The following MSI2 variants were observed in gnomAD, a reference collection of about 807,000 sequenced individuals.
MSI2 encodes the protein RNA-binding protein Musashi homolog 2.
Under a neutral mutation model 45.6 loss-of-function variants are expected in MSI2, and 17 were observed. The ratio of observed to expected loss-of-function variants is 0.37; its 90% CI spans 0.26 to 0.56. MSI2 has a LOEUF of 0.56. Ranked by LOEUF, MSI2 falls within the 20% of genes least tolerant of loss-of-function variation. The pLI is 0.77. For missense variants in MSI2, 293 were observed against 444.2 expected, an observed-to-expected ratio of 0.66 and a Z score of 3.06; for synonymous variants, 156 against 158.2, an observed-to-expected ratio of 0.99 and a Z score of 0.11.
chr17:57,283,921 T>C (rs1014769362), intron 5 of MSI2, among the ~76,000 whole-genome samples: 1 of 152,218 alleles, frequency 6.6e-6, no homozygotes, highest in African/African-American at 2.4e-5. Flanking sequence ...TCCATGTTTC[T>C]ATCCCGGAGA....
chr17:57,258,247 T>G, intron 3 of MSI2, 23 bp from the exon 4 acceptor site: 1 of 1,609,564 alleles, frequency 6.2e-7, no homozygotes, highest in Non-Finnish European at 8.5e-7. Context: ...TGTTTGTTTT[T>G]CTCCCTCTTT....
At chr17:57,653,599 GT>G (rs1222737814) in intron 11 of MSI2, among the ~76,000 whole-genome samples, 1 of 152,198 alleles carries the variant, frequency 6.6e-6, no homozygotes, top group Non-Finnish European at 1.5e-5. Context: ...GGCCCTACCT[GT>G]GCCTGGGGTT....
chr17:57,684,749 G>T (rs1282427282), downstream of MSI2: 4 of 152,256 alleles, frequency 2.6e-5, no homozygotes, highest in African/African-American at 9.6e-5. Context: ...CTGTTGTTTT[G>T]CTTGGGCGGG....
intron 5 of MSI2, among the ~76,000 whole-genome samples, chr17:57,287,384 C>T (rs867299725): frequency 2.0e-5 from 3 of 152,098 alleles, no homozygotes; most frequent in South Asian, 2.1e-4. Flanking sequence ...GGGTCCCTCT[C>T]GGCCAGCCTC....
chr17:57,471,787 C>T (rs1366507114), intron 6 of MSI2, among the ~76,000 whole-genome samples: 2 of 152,174 alleles, frequency 1.3e-5, no homozygotes, highest in African/African-American at 2.4e-5. Flanking sequence ...AGTACCCTCT[C>T]AGCCCTTGAC....
intron 6 of MSI2, among the ~76,000 whole-genome samples, chr17:57,403,155 C>G (rs1423188305): frequency 6.6e-6 from 1 of 152,116 alleles, no homozygotes; most frequent in Non-Finnish European, 1.5e-5. Context: ...TCTCATGGGC[C>G]TATTTGTGTC....
At chr17:57,430,353 C>T (rs2084571779) in intron 6 of MSI2, among the ~76,000 whole-genome samples, 1 of 152,068 alleles carries the variant, frequency 6.6e-6, no homozygotes, top group Non-Finnish European at 1.5e-5. Flanking sequence ...AGTCCGCCTT[C>T]TTTCTCTTAT....
At chr17:57,398,212 C>A (rs1212870994) in intron 5 of MSI2, among the ~76,000 whole-genome samples, 2 of 152,144 alleles carry the variant, frequency 1.3e-5, no homozygotes, top group South Asian at 2.1e-4. Flanking sequence ...TTGTTGAATT[C>A]TCTGGGACCA....
At chr17:57,336,808 G>T (rs1914725401) in intron 5 of MSI2, among the ~76,000 whole-genome samples, 1 of 152,154 alleles carries the variant, frequency 6.6e-6, no homozygotes, top group African/African-American at 2.4e-5. Flanking sequence ...AATTACCCCA[G>T]AATTTAGCAA....
rs557632734 is a variant in MSI2, at chr17:57,510,853, G to A, written c.406-18823G>A. 2.0e-5 allele frequency among the ~76,000 whole-genome samples: 3 copies of A among 152,308 alleles called. No homozygotes were observed. The South Asian group carries it at 6.2e-4, about 32-fold the overall frequency. On this transcript the variant is annotated intron_variant, in intron 6 of 13. Coordinates refer to ENST00000284073, the MANE Select transcript of MSI2 (RefSeq NM_138962.4). ...ACATTTTTGTGTTTCTCTGGCTTTA[G>A]TCCATGGCACATAAACTGGGGTTGG...
intron 6 of MSI2, among the ~76,000 whole-genome samples, chr17:57,492,161 C>T (rs556713557): frequency 1.3e-5 from 2 of 152,194 alleles, no homozygotes; most frequent in South Asian, 4.1e-4. Context: ...GACAGTGTTC[C>T]TCTAGTAAAG....
intron 7 of MSI2, among the ~76,000 whole-genome samples, chr17:57,588,437 A>G (rs185082092): frequency 2.0e-5 from 3 of 152,336 alleles, no homozygotes; most frequent in Non-Finnish European, 4.4e-5. Flanking sequence ...CAAGTCTGGC[A>G]TCCCAGTCCT....
intron 5 of MSI2, among the ~76,000 whole-genome samples, chr17:57,275,909 G>T (rs1908803197): frequency 2.0e-5 from 3 of 152,138 alleles, no homozygotes. Flanking sequence ...TGGAGTGGAG[G>T]GTCTTCAGGA....
chr17:57,661,284 C>T (rs1298454261), intron 11 of MSI2, among the ~76,000 whole-genome samples: 1 of 152,094 alleles, frequency 6.6e-6, no homozygotes, highest in Admixed American at 6.5e-5. Flanking sequence ...TAGATTCCTA[C>T]AAGGTCAGAG....
chr17:57,281,581 C>A (rs1407956358), intron 5 of MSI2, among the ~76,000 whole-genome samples: 1 of 152,192 alleles, frequency 6.6e-6, no homozygotes, highest in Admixed American at 6.5e-5. Flanking sequence ...TTTCTTCGAG[C>A]AGAACCCAAG....
At chr17:57,691,146 C>T in the MSI2 span, among the ~76,000 whole-genome samples, 23,017 of 151,924 alleles carry the variant, frequency 0.15, 2,010 homozygotes, top group Middle Eastern at 0.22. Context: ...ATTCTCTATT[C>T]TGTTCTGTAC....
intron 6 of MSI2, among the ~76,000 whole-genome samples, chr17:57,475,347 G>A (rs2085517379): frequency 6.6e-6 from 1 of 152,146 alleles, no homozygotes; most frequent in African/African-American, 2.4e-5. Context: ...GTGGGTGAGT[G>A]TCCAGGTGTG....
intron 10 of MSI2, among the ~76,000 whole-genome samples, chr17:57,645,590 C>G (rs1394327046): frequency 4.6e-5 from 7 of 151,310 alleles, no homozygotes; most frequent in African/African-American, 7.3e-5. Context: ...TGCCCACCAC[C>G]ACGCCTGGCT....
In MSI2 at chr17:57,674,954, C is replaced by T. The variant is rs764177782; in HGVS notation, c.791-18C>T. The T allele has an allele frequency of 1.4e-5, 23 of 1,612,428 alleles. No individual in the cohort carries two copies. The Admixed American group carries it at 2.0e-4, about 14-fold the overall frequency. ...TACAGTGCTCAACCGAATTTTGGCG[C>T]GCCCGCTTCCCCGGCAGGCTCCAAC... On this transcript the variant is annotated intron_variant, in intron 11 of 13. Coordinates refer to ENST00000284073, the MANE Select transcript of MSI2 (RefSeq NM_138962.4).
Sources: gnomAD v4.1 joint callset for allele counts (sites outside exome capture counted in the v4.1 genomes callset) on GRCh38, gnomAD v4.1.1 for gene constraint, MANE v1.5 for transcripts, NCBI Gene and HGNC (gene_info 2026-07-23, HGNC 2026-07-21) for gene names.